Variants in SSBP2 observed in about 807,000 individuals in gnomAD.
The protein encoded by SSBP2 is single stranded DNA binding protein 2.
Under a neutral mutation model 61.8 loss-of-function variants are expected in SSBP2, and 17 were observed. The observed-to-expected ratio is 0.28, with a 90% CI of 0.19 to 0.41. The LOEUF is 0.41. Among genes scored for constraint, SSBP2 ranks in the 10% least tolerant of loss-of-function variants. The pLI, the probability that SSBP2 is intolerant of heterozygous loss-of-function variation, is 1.00. For missense variants in SSBP2, 310 were observed against 458.7 expected (o/e 0.68, Z 2.96); for synonymous variants, 139 against 141.3 (o/e 0.98, Z 0.12).
At chr5:81,424,279 C>A (rs776468472) in intron 16 of SSBP2, among the ~76,000 whole-genome samples, 1 of 152,000 alleles carries the variant, frequency 6.6e-6, no homozygotes, top group Non-Finnish European at 1.5e-5. Context: ...CAAAAATTAG[C>A]CAGGCATGGT....
intron 1 of SSBP2, among the ~76,000 whole-genome samples, chr5:81,700,751 G>A (rs951874627): frequency 1.3e-5 from 2 of 152,112 alleles, no homozygotes; most frequent in Admixed American, 6.6e-5. Context: ...TTATGGAGAC[G>A]GGTTCTTTCC....
intron 4 of SSBP2, among the ~76,000 whole-genome samples, chr5:81,583,490 C>T (rs990348112): frequency 6.6e-6 from 1 of 151,932 alleles, no homozygotes; most frequent in Non-Finnish European, 1.5e-5. Context: ...ATTAGCTGGG[C>T]ATGGTGGCAG....
At chr5:81,544,444 G>A (rs1771573447) in intron 4 of SSBP2, among the ~76,000 whole-genome samples, 1 of 152,168 alleles carries the variant, frequency 6.6e-6, no homozygotes, top group African/African-American at 2.4e-5. Flanking sequence ...ACCCTGTAAT[G>A]TATTTCAGGA....
At chr5:81,464,207 A>G (rs1339042795) in intron 9 of SSBP2, among the ~76,000 whole-genome samples, 2 of 152,210 alleles carry the variant, frequency 1.3e-5, no homozygotes, top group African/African-American at 4.8e-5. Context: ...ATTGCTTAAT[A>G]GTAATGTATA....
At chr5:81,457,275 T>C (rs1378778573) in intron 10 of SSBP2, among the ~76,000 whole-genome samples, 1 of 151,954 alleles carries the variant, frequency 6.6e-6, no homozygotes, top group Non-Finnish European at 1.5e-5. Context: ...ACCCACAGAA[T>C]AAAATAATTC....
At chr5:81,623,445 C>G (rs1746824720) in intron 3 of SSBP2, among the ~76,000 whole-genome samples, 1 of 150,392 alleles carries the variant, frequency 6.6e-6, no homozygotes, top group Non-Finnish European at 1.5e-5. Context: ...ACGCCATTCT[C>G]CTGCCTCAGC....
intron 2 of SSBP2, among the ~76,000 whole-genome samples, chr5:81,640,736 TA>T: frequency 6.6e-6 from 1 of 151,860 alleles, no homozygotes. Flanking sequence ...GTCAAAAACC[TA>T]CGTCTCGTCC....
At position 81,499,806 on chromosome 5, in the gene SSBP2, CTT is replaced by C. The variant is rs1302668146; in HGVS notation, c.373-10499_373-10498del. The stretch of plus-strand genomic sequence containing the variant: ...CATTAAAGAATGCAAAAATATTCCT[CTT>C]GTCTCCCTTTTCTCTACTTTATATT... On this transcript the variant is annotated intron_variant, in intron 5 of 16. Transcript: ENST00000320672. Among the ~76,000 whole-genome samples, 11 of 152,326 alleles carry C rather than the reference CTT, an allele frequency of 7.2e-5. No homozygotes were observed. The South Asian group carries it at 8.3e-4, about 11-fold the overall frequency.
intron 4 of SSBP2, among the ~76,000 whole-genome samples, chr5:81,516,981 T>C (rs974966951): frequency 1.3e-5 from 2 of 152,122 alleles, no homozygotes; most frequent in Non-Finnish European, 2.9e-5. Flanking sequence ...CTCTATGATG[T>C]TGTGACAAAA....
At chr5:81,710,958 A>C (rs1020011998) in intron 1 of SSBP2, among the ~76,000 whole-genome samples, 3 of 152,084 alleles carry the variant, frequency 2.0e-5, no homozygotes, top group African/African-American at 7.2e-5. Flanking sequence ...ATATCACCAT[A>C]AATAAATCCT....
intron 6 of SSBP2, among the ~76,000 whole-genome samples, chr5:81,485,827 C>T (rs1766338123): frequency 6.6e-6 from 1 of 152,138 alleles, no homozygotes; most frequent in Non-Finnish European, 1.5e-5. Flanking sequence ...GTGTTTTTAT[C>T]TACATAATTC....
At chr5:81,699,259 G>A (rs1275726640) in intron 1 of SSBP2, among the ~76,000 whole-genome samples, 1 of 152,212 alleles carries the variant, frequency 6.6e-6, no homozygotes, top group Non-Finnish European at 1.5e-5. Flanking sequence ...GGTGGCTGTG[G>A]CAAATAAGAC....
chr5:81,644,769 G>A (rs963574647), intron 2 of SSBP2, among the ~76,000 whole-genome samples: 44 of 152,094 alleles, frequency 2.9e-4, no homozygotes, highest in Non-Finnish European at 1.5e-4. Flanking sequence ...ACAAGAGCAA[G>A]AACCTACAGT....
chr5:81,423,305 T>A (rs927955194), intron 16 of SSBP2, among the ~76,000 whole-genome samples: 5 of 152,224 alleles, frequency 3.3e-5, no homozygotes, highest in African/African-American at 1.2e-4. Context: ...GAAATTTTAG[T>A]CGTATGTAAT....
chr5:81,717,026 T>C (rs533227963), intron 1 of SSBP2, among the ~76,000 whole-genome samples: 2 of 152,320 alleles, frequency 1.3e-5, no homozygotes, highest in African/African-American at 4.8e-5. Context: ...TATTCATCAT[T>C]TTAAATCATA....
chr5:81,751,071 A>G lies in SSBP2; in HGVS notation c.-29T>C. ...TGTGCCGAGAGCAGCTCCCACTGTC[A>G]CGCACCTGTCAACCCATCACAGCCT... On this transcript the variant is annotated 5_prime_UTR_variant, in exon 1 of 17. Coordinates refer to ENST00000320672, the MANE Select transcript of SSBP2 (RefSeq NM_012446.5). 1 of 1,572,512 alleles carries G rather than the reference A, an allele frequency of 6.4e-7. No homozygotes were observed. Among genetic ancestry groups the G allele is most frequent in the Admixed American group, 1.8e-5 (1 of 54,112 alleles).
intron 5 of SSBP2, among the ~76,000 whole-genome samples, chr5:81,506,805 A>G (rs918497595): frequency 6.6e-6 from 1 of 152,034 alleles, no homozygotes; most frequent in Admixed American, 6.5e-5. Flanking sequence ...CTATCTCCCA[A>G]AAACATTTAA....
At chr5:81,751,354 C>T (rs976699098), upstream of SSBP2, 27 of 507,246 alleles carry the variant, frequency 5.3e-5, no homozygotes, top group South Asian at 5.6e-4. Flanking sequence ...TCCCCCTCCC[C>T]CCTCCGAACC....
At chr5:81,434,620 G>A (rs1430253378) in intron 15 of SSBP2, among the ~76,000 whole-genome samples, 4 of 84,672 alleles carry the variant, frequency 4.7e-5, no homozygotes, top group South Asian at 3.9e-4. Context: ...CAACAAGAGC[G>A]AAACTCTTGA....
Sources: allele counts gnomAD v4.1 joint callset (sites outside exome capture counted in the v4.1 genomes callset), GRCh38; gene constraint gnomAD v4.1.1; transcripts MANE v1.5; gene names NCBI Gene and HGNC (gene_info 2026-07-23, HGNC 2026-07-21).